RPS29: variants seen among roughly 807,000 people sequenced by gnomAD.
RPS29 encodes the protein small ribosomal subunit protein uS14.
For missense variants in RPS29, 60 were observed against 75.7 expected (o/e 0.79, Z 0.77); for synonymous variants, 37 against 26.9 (o/e 1.37, Z -1.16).
upstream of RPS29, chr14:49,586,717 G>A (rs1566483249): frequency 3.9e-6 from 1 of 253,696 alleles, no homozygotes; most frequent in Non-Finnish European, 8.1e-6. Context: ...TCAATATGGT[G>A]ACCTCCCGGG....
At chr14:49,586,719 C>T (rs1881581764), upstream of RPS29, 5 of 249,668 alleles carry the variant, frequency 2.0e-5, no homozygotes, top group East Asian at 2.6e-4. Flanking sequence ...AATATGGTGA[C>T]CTCCCGGGAG....
At chr14:49,579,667 C>T (rs996488298), downstream of RPS29, among the ~76,000 whole-genome samples, 3 of 152,174 alleles carry the variant, frequency 2.0e-5, no homozygotes, top group African/African-American at 7.2e-5. Flanking sequence ...GTTCAATTCC[C>T]CAACAAATGA....
In RPS29 at chr14:49,577,863, T is replaced by C. The variant is rs762933405; in HGVS notation, c.163-10A>G. ...GACAGCTCAGGTCTTTCTGTAATGG[T>C]AAAAGAGGACCCATAAAAAGTGAAA... On this transcript the variant is annotated splice_polypyrimidine_tract_variant and intron_variant, in intron 2 of 2. Transcript: ENST00000396020. The C allele has an allele frequency of 2.1e-5, 33 of 1,578,644 alleles. No homozygotes were observed. In the South Asian group the frequency reaches 3.8e-4, roughly 18 times the overall value.
intron 1 of RPS29, among the ~76,000 whole-genome samples, chr14:49,596,253 G>C (rs1042949775): frequency 1.3e-5 from 2 of 152,142 alleles, no homozygotes; most frequent in Non-Finnish European, 1.5e-5. Flanking sequence ...TAATTTTATA[G>C]AAGAAAAACA....
intron 1 of RPS29, among the ~76,000 whole-genome samples, chr14:49,597,070 ACT>A (rs926563907): frequency 2.0e-5 from 3 of 151,130 alleles, no homozygotes; most frequent in East Asian, 1.9e-4. Flanking sequence ...GCGCGCCAAC[ACT>A]CTGTCTAATT....
chr14:49,590,336 C>A (rs1377527481), upstream of RPS29, among the ~76,000 whole-genome samples: 1 of 152,016 alleles, frequency 6.6e-6, no homozygotes, highest in Non-Finnish European at 1.5e-5. Context: ...ATTAGCCAGG[C>A]ATGGTGGCGG....
chr14:49,592,174 A>AT (rs1168966717), intron 1 of RPS29: 3 of 150,876 alleles, frequency 2.0e-5, no homozygotes, highest in Non-Finnish European at 4.4e-5. Flanking sequence ...ATTCTTACTT[A>AT]TTTTTTAAAT....
At chr14:49,584,942 T>C (rs1881472590) in intron 2 of RPS29, among the ~76,000 whole-genome samples, 1 of 149,002 alleles carries the variant, frequency 6.7e-6, no homozygotes, top group African/African-American at 2.5e-5. Flanking sequence ...CAGTCAAAAG[T>C]TTCATATAAA....
chr14:49,597,464 C>G (rs918245110), intron 1 of RPS29: 3 of 152,104 alleles, frequency 2.0e-5, no homozygotes, highest in Non-Finnish European at 4.4e-5. Flanking sequence ...ATAATTCAGG[C>G]TGGTGTTTTA....
In RPS29 at chr14:49,586,334, G is replaced by C; in HGVS notation, c.13C>G (p.Gln5Glu). 6.2e-7 allele frequency: 1 copy of C among 1,613,906 alleles called. No individual in the cohort carries two copies. Among genetic ancestry groups the C allele is most frequent in the Non-Finnish European group, 8.5e-7 (1 of 1,179,772 alleles). The change falls in exon 1 of 3, where the codon CAG becomes GAG. Residue 5 changes from glutamine (Q) to glutamate (E), a missense_variant. Physicochemically the swap from Gln to Glu is conservative, Grantham distance 29. Transcript: ENST00000245458. ...TTTCGCGGGTGGCTCCAGTACAGCT[G>C]CTGGTGACCCATCTTGCTCTCAGCA... MGHQ[Q>E]LYWSHPRKFG...
At chr14:49,580,914 G>A (rs949682842), downstream of RPS29, among the ~76,000 whole-genome samples, 9 of 151,626 alleles carry the variant, frequency 5.9e-5, no homozygotes, top group East Asian at 3.9e-4. Context: ...TGCTGGGTGC[G>A]GTGGCTCACG....
chr14:49,576,569 T>A (rs142512634), exon 3 of RPS29: 2 of 152,228 alleles, frequency 1.3e-5, no homozygotes, highest in African/African-American at 4.8e-5. Flanking sequence ...TAGCAGAGGT[T>A]ATGCAAGCAG....
exon 3 of RPS29, chr14:49,571,459 T>C (rs1423393019): frequency 6.6e-6 from 1 of 152,194 alleles, no homozygotes; most frequent in Non-Finnish European, 1.5e-5. Context: ...ATCTTTGTTT[T>C]TCATGAGCCT....
At chr14:49,597,877 G>C (rs1249335987) in intron 1 of RPS29, 1 of 152,298 alleles carries the variant, frequency 6.6e-6, no homozygotes, top group Non-Finnish European at 1.5e-5. Context: ...TTGAACTCCT[G>C]GGCTCAAGCG....
At chr14:49,580,599 C>A (rs1195589574), downstream of RPS29, among the ~76,000 whole-genome samples, 2 of 152,208 alleles carry the variant, frequency 1.3e-5, no homozygotes, top group East Asian at 3.8e-4. Flanking sequence ...CGGCCAGGAG[C>A]GATGGCTCAT....
At chr14:49,586,111 G>C (rs1016881413) in intron 1 of RPS29, 62 bp from the exon 2 acceptor site, 1 of 1,480,390 alleles carries the variant, frequency 6.8e-7, no homozygotes, top group Non-Finnish European at 9.4e-7. Context: ...GCACTCAGAC[G>C]GCTACTACCC....
intron 1 of RPS29, among the ~76,000 whole-genome samples, chr14:49,593,768 AG>A (rs960792168): frequency 6.8e-6 from 1 of 147,288 alleles, no homozygotes; most frequent in Non-Finnish European, 1.5e-5. Flanking sequence ...TACTGGGGGC[AG>A]GTGCTAAGTG....
At chr14:49,583,754 T>C (rs1054573365) in intron 2 of RPS29, 79 bp from the exon 3 acceptor site, 2 of 855,610 alleles carry the variant, frequency 2.3e-6, no homozygotes, top group East Asian at 2.4e-5. Flanking sequence ...AGGCTCATTA[T>C]AGAATGTTAT....
upstream of RPS29, among the ~76,000 whole-genome samples, chr14:49,590,273 C>G (rs932367347): frequency 9.2e-5 from 14 of 151,732 alleles, no homozygotes; most frequent in African/African-American, 3.4e-4. Flanking sequence ...GTCAGGAGTT[C>G]TAGACCAACC....
Sources: allele counts gnomAD v4.1 joint callset (sites outside exome capture counted in the v4.1 genomes callset), GRCh38; gene constraint gnomAD v4.1.1; transcripts MANE v1.5; gene names NCBI Gene and HGNC (gene_info 2026-07-23, HGNC 2026-07-21).